FOXP1: variants seen among roughly 807,000 people sequenced by gnomAD.
The protein encoded by FOXP1 is forkhead box P1.
In FOXP1, 15 loss-of-function variants were observed where a neutral mutation model predicts 98.2. The ratio of observed to expected loss-of-function variants is 0.15; its 90% CI spans 0.10 to 0.24. The LOEUF (loss-of-function observed/expected upper bound fraction) is 0.24. Among genes scored for constraint, FOXP1 ranks in the 10% least tolerant of loss-of-function variants. The pLI, the probability that FOXP1 is intolerant of heterozygous loss-of-function variation, is 1.00. For missense variants in FOXP1, 633 were observed against 848.5 expected, an observed-to-expected ratio of 0.75 and a Z score of 3.15; for synonymous variants, 371 against 314.5, an observed-to-expected ratio of 1.18 and a Z score of -1.90.
intron 3 of FOXP1, among the ~76,000 whole-genome samples, chr3:71,417,439 G>A (rs866257630): frequency 6.6e-6 from 1 of 152,144 alleles, no homozygotes; most frequent in Admixed American, 6.6e-5. Context: ...CTAAAAATGA[G>A]CACTGGGCTT....
At chr3:70,974,511 C>CTGATCTTGAACT (rs1050685861) in intron 17 of FOXP1, among the ~76,000 whole-genome samples, 1 of 152,054 alleles carries the variant, frequency 6.6e-6, no homozygotes, top group Non-Finnish European at 1.5e-5. Flanking sequence ...GTTGCCCAGG[C>CTGATCTTGAACT]TGATCTTGAA....
chr3:71,532,443 T>A (rs1471697704), intron 2 of FOXP1, among the ~76,000 whole-genome samples: 3 of 152,104 alleles, frequency 2.0e-5, no homozygotes, highest in Non-Finnish European at 4.4e-5. Context: ...AAGTGGATGG[T>A]CCCACAAACC....
At chr3:71,578,005 T>C (rs148695285) in intron 2 of FOXP1, among the ~76,000 whole-genome samples, 4 of 151,946 alleles carry the variant, frequency 2.6e-5, no homozygotes, top group African/African-American at 9.7e-5. Flanking sequence ...GCATTTACTA[T>C]GACTGAAATC....
intron 4 of FOXP1, among the ~76,000 whole-genome samples, chr3:71,331,325 C>T (rs893953089): frequency 3.9e-5 from 6 of 152,150 alleles, no homozygotes; most frequent in Non-Finnish European, 8.8e-5. Context: ...TGCCTCCCCG[C>T]GGGGCAGGGC....
chr3:71,473,149 C>T (rs1231057315), intron 3 of FOXP1, among the ~76,000 whole-genome samples: 2 of 152,150 alleles, frequency 1.3e-5, no homozygotes, highest in Non-Finnish European at 2.9e-5. Flanking sequence ...CTCATTTAAT[C>T]TCACAGGAGC....
chr3:71,514,048 A>C (rs749142137), intron 2 of FOXP1, among the ~76,000 whole-genome samples: 1 of 152,324 alleles, frequency 6.6e-6, no homozygotes, highest in African/African-American at 2.4e-5. Context: ...TAAAACACTG[A>C]ATTTAGACAC....
intron 3 of FOXP1, among the ~76,000 whole-genome samples, chr3:71,483,064 T>C (rs2090403169): frequency 1.3e-5 from 2 of 151,832 alleles, no homozygotes; most frequent in South Asian, 4.2e-4. Flanking sequence ...GATCTCGAAC[T>C]CCTGAGCTCA....
rs2031913298 is a variant in FOXP1, at chr3:70,956,743, T to TTTTTTTG, written c.*2503_*2504insCAAAAAA. On this transcript the variant is annotated 3_prime_UTR_variant, in exon 21 of 21. Coordinates refer to ENST00000649528, the MANE Select transcript of FOXP1 (RefSeq NM_001349338.3). ...AGCTGCCTGGAAAAGTTTTTTTTTT[T>TTTTTTTG]TTTTTTTTTTTTTTTTTTTTTTTTT... The TTTTTTTG allele has an allele frequency of 1.3e-5, 2 of 157,812 alleles. No homozygotes were observed. The highest frequency in any genetic ancestry group is 2.3e-5 in the Non-Finnish European group (2 of 88,590). The allele number at this position is 157,812 out of a possible 1,614,324, so 9.8% of individuals were successfully genotyped here. A position where few individuals can be genotyped will look rare whatever the true frequency, so the allele number is the denominator to read the frequency against.
In FOXP1 at chr3:71,404,470, T is replaced by C. The variant is rs572473592; in HGVS notation, c.-167-45226A>G. ...TGGAAACAAGACTTTATTGTTACTT[T>C]TGATATTGTTAATTTGTTTCCCAAA... On this transcript the variant is annotated intron_variant, in intron 3 of 20. Transcript: ENST00000649528. Among the ~76,000 whole-genome samples, 5 of 152,222 alleles carry C rather than the reference T, an allele frequency of 3.3e-5. No homozygotes were observed. The South Asian group carries it at 6.2e-4, about 19-fold the overall frequency.
intron 20 of FOXP1, among the ~76,000 whole-genome samples, chr3:70,965,195 G>A (rs1357280211): frequency 6.6e-6 from 1 of 152,202 alleles, no homozygotes; most frequent in East Asian, 1.9e-4. Context: ...GGGTGTTATA[G>A]TTACACCAAG....
At chr3:70,966,251 A>G (rs112351276) in intron 19 of FOXP1, 195 bp from the exon 20 acceptor site, 25 of 621,464 alleles carry the variant, frequency 4.0e-5, no homozygotes, top group African/African-American at 2.7e-4. Context: ...GGTTTTGAAG[A>G]GCTAACTGGG....
At position 71,420,467 on chromosome 3, in the gene FOXP1, G is replaced by A. The variant is rs2083550043; in HGVS notation, c.-167-61223C>T. ...CTCAGCTGTGTAGAAGATGAAGTCT[G>A]TGCATCCCAAATGTTCCTATCATGG... On this transcript the variant is annotated intron_variant, in intron 3 of 20. Transcript: ENST00000649528. Among the ~76,000 whole-genome samples the A allele has an allele frequency of 2.0e-5, 3 of 152,100 alleles. No individual in the cohort carries two copies. In the South Asian group the frequency reaches 6.2e-4, roughly 31 times the overall value.
At chr3:71,017,595 T>A (rs1302277619) in intron 11 of FOXP1, among the ~76,000 whole-genome samples, 1 of 152,050 alleles carries the variant, frequency 6.6e-6, no homozygotes, top group Non-Finnish European at 1.5e-5. Flanking sequence ...CATAATTTTG[T>A]AAATACTTTC....
chr3:71,556,614 T>G (rs2046158244), intron 2 of FOXP1, among the ~76,000 whole-genome samples: 1 of 147,430 alleles, frequency 6.8e-6, no homozygotes, highest in Non-Finnish European at 1.5e-5. Context: ...TCTAGAAAGG[T>G]TAGTTTACTC....
chr3:71,093,611 A>T (rs574070507), intron 7 of FOXP1, among the ~76,000 whole-genome samples: 2 of 151,204 alleles, frequency 1.3e-5, no homozygotes, highest in Admixed American at 1.3e-4. Context: ...GGACTAAGAA[A>T]TATGCAATTC....
At chr3:71,177,661 T>C (rs967155147) in intron 6 of FOXP1, among the ~76,000 whole-genome samples, 3 of 152,008 alleles carry the variant, frequency 2.0e-5, no homozygotes, top group Non-Finnish European at 4.4e-5. Context: ...GTAGAACAAG[T>C]ATTTTAAAAG....
intron 4 of FOXP1, among the ~76,000 whole-genome samples, chr3:71,354,219 G>A (rs2078001777): frequency 6.6e-6 from 1 of 151,668 alleles, no homozygotes; most frequent in Non-Finnish European, 1.5e-5. Context: ...CGGAGGTTAT[G>A]GTGAGCTGAG....
chr3:71,256,271 C>A (rs962085327), intron 5 of FOXP1, among the ~76,000 whole-genome samples: 1 of 152,068 alleles, frequency 6.6e-6, no homozygotes, highest in South Asian at 2.1e-4. Flanking sequence ...GAGGAAACTG[C>A]GCCTCTCTCC....
intron 3 of FOXP1, among the ~76,000 whole-genome samples, chr3:71,471,331 T>C (rs2089325341): frequency 6.6e-6 from 1 of 151,782 alleles, no homozygotes; most frequent in Admixed American, 6.6e-5. Context: ...ATTAATTATA[T>C]GTATATAATT....
Sources: gnomAD v4.1 joint callset for allele counts (sites outside exome capture counted in the v4.1 genomes callset) on GRCh38, gnomAD v4.1.1 for gene constraint, MANE v1.5 for transcripts, NCBI Gene and HGNC (gene_info 2026-07-23, HGNC 2026-07-21) for gene names.